ASIC2: variants seen among roughly 807,000 people sequenced by gnomAD.
ASIC2 encodes acid sensing ion channel subunit 2, also known as acid-sensing ion channel 2.
ASIC2 carries 25 observed loss-of-function variants against 57.3 expected under a neutral mutation model. That is an observed-to-expected ratio of 0.44 (90% CI 0.32 to 0.61). The LOEUF (loss-of-function observed/expected upper bound fraction) is 0.61. Among genes scored for constraint, ASIC2 ranks in the 20% least tolerant of loss-of-function variants. ASIC2 has a pLI of 0.06. For missense variants in ASIC2, 641 were observed against 738.1 expected (o/e 0.87, Z 1.52); for synonymous variants, 319 against 307.5 (o/e 1.04, Z -0.39).
chr17:34,039,956 T>TC lies in ASIC2; in HGVS notation c.555+116021dup. The TC allele has an allele frequency of 3.4e-6, 4 of 1,191,086 alleles. No homozygotes were observed. In the South Asian group the frequency reaches 5.0e-5, roughly 15 times the overall value. 73.8% of individuals were successfully genotyped at this position (1,191,086 alleles called of 1,614,324 possible). On this transcript the variant is annotated intron_variant, in intron 1 of 9. Transcript: ENST00000359872. Reference sequence around the variant, plus strand: ...GACCCGGCTGCGGACCGCTCCGCTCTCCCCCTGGGCAGGCCCGGGGCGGAG... The same window carrying TC: ...GACCCGGCTGCGGACCGCTCCGCTCTCCCCCCTGGGCAGGCCCGGGGCGGAG...
intron 1 of ASIC2, among the ~76,000 whole-genome samples, chr17:34,151,275 G>T (rs1390644515): frequency 6.6e-6 from 1 of 152,134 alleles, no homozygotes; most frequent in Non-Finnish European, 1.5e-5. Context: ...GCAGAGTCTG[G>T]GTTTAATGAG....
intron 1 of ASIC2, among the ~76,000 whole-genome samples, chr17:33,621,777 TGATCTTCTACTAATTA>T (rs1905808804): frequency 1.3e-5 from 2 of 152,228 alleles, no homozygotes; most frequent in African/African-American, 4.8e-5. Context: ...TATCCTCCAC[TGATCTTCTACTAATTA>T]GATCTTCTAC....
chr17:33,805,160 A>G (rs911845213), intron 1 of ASIC2, among the ~76,000 whole-genome samples: 1 of 152,114 alleles, frequency 6.6e-6, no homozygotes, highest in African/African-American at 2.4e-5. Context: ...TCCAAGGGTC[A>G]TCTTATTTTT....
chr17:33,860,577 A>G (rs1341297357), intron 1 of ASIC2, among the ~76,000 whole-genome samples: 1 of 152,234 alleles, frequency 6.6e-6, no homozygotes, highest in Admixed American at 6.5e-5. Flanking sequence ...AAGAAGTCAG[A>G]CTATAGGCTG....
intron 3 of ASIC2, among the ~76,000 whole-genome samples, chr17:33,049,087 T>C (rs1215733288): frequency 2.0e-5 from 3 of 152,132 alleles, no homozygotes; most frequent in Non-Finnish European, 4.4e-5. Context: ...AGCGTGGACT[T>C]TGGTATTAGG....
intron 1 of ASIC2, among the ~76,000 whole-genome samples, chr17:33,452,178 C>T (rs1046932749): frequency 6.6e-6 from 1 of 152,224 alleles, no homozygotes; most frequent in African/African-American, 2.4e-5. Context: ...GATTGTCTAC[C>T]TTCTACCTGC....
chr17:33,045,518 C>T (rs146049143), intron 3 of ASIC2, among the ~76,000 whole-genome samples: 273 of 152,250 alleles, frequency 1.8e-3, no homozygotes, highest in African/African-American at 6.3e-3. Flanking sequence ...TTTGGAGTTA[C>T]GCAGGTGTGG....
At chr17:33,392,055 A>G (rs770709050) in intron 1 of ASIC2, among the ~76,000 whole-genome samples, 9 of 152,276 alleles carry the variant, frequency 5.9e-5, no homozygotes, top group East Asian at 1.9e-4. Context: ...CCCTTCGCCA[A>G]TGGATTCAAA....
chr17:33,195,729 A>G (rs1010223893), intron 1 of ASIC2, among the ~76,000 whole-genome samples: 10 of 152,154 alleles, frequency 6.6e-5, no homozygotes, highest in Non-Finnish European at 1.3e-4. Context: ...AGAAGGCCAA[A>G]TGGCTTGCCG....
At chr17:33,771,529 C>T (rs1483507601) in intron 1 of ASIC2, among the ~76,000 whole-genome samples, 1 of 152,074 alleles carries the variant, frequency 6.6e-6, no homozygotes, top group South Asian at 2.1e-4. Flanking sequence ...GAGCTGAGGC[C>T]CCACAGAACT....
At chr17:33,124,234 A>T (rs2092314426) in intron 1 of ASIC2, among the ~76,000 whole-genome samples, 1 of 152,226 alleles carries the variant, frequency 6.6e-6, no homozygotes, top group South Asian at 2.1e-4. Context: ...GAGATTGAGT[A>T]TCATGGAATT....
chr17:33,958,462 C>T (rs1313374205), intron 1 of ASIC2, among the ~76,000 whole-genome samples: 1 of 152,174 alleles, frequency 6.6e-6, no homozygotes, highest in Admixed American at 6.5e-5. Flanking sequence ...TCCCAAATCT[C>T]AATTCTTGTC....
chr17:33,197,763 TG>T (rs1221031224), intron 1 of ASIC2, among the ~76,000 whole-genome samples: 15 of 152,228 alleles, frequency 9.9e-5, no homozygotes, highest in Non-Finnish European at 1.9e-4. Flanking sequence ...CCCCTCTCCC[TG>T]GGTACTGGTT....
chr17:33,395,640 T>A (rs1223661984), intron 1 of ASIC2, among the ~76,000 whole-genome samples: 1 of 152,242 alleles, frequency 6.6e-6, no homozygotes, highest in African/African-American at 2.4e-5. Context: ...TTCACCCGTT[T>A]ATTCATTGAA....
intron 1 of ASIC2, among the ~76,000 whole-genome samples, chr17:34,094,785 T>G (rs1485547119): frequency 6.6e-6 from 1 of 152,194 alleles, no homozygotes; most frequent in Non-Finnish European, 1.5e-5. Flanking sequence ...ATTAGTAAAT[T>G]TATTTCATAA....
intron 1 of ASIC2, among the ~76,000 whole-genome samples, chr17:33,455,201 T>C (rs1267010498): frequency 1.3e-5 from 2 of 152,230 alleles, no homozygotes; most frequent in Non-Finnish European, 2.9e-5. Flanking sequence ...TTTTTCCAAC[T>C]TTTATTTTAG....
At chr17:33,177,033 C>T (rs1162673374) in intron 1 of ASIC2, among the ~76,000 whole-genome samples, 1 of 152,202 alleles carries the variant, frequency 6.6e-6, no homozygotes, top group East Asian at 1.9e-4. Flanking sequence ...CTGGGGACAA[C>T]TTGTGTCCAT....
intron 3 of ASIC2, among the ~76,000 whole-genome samples, chr17:33,031,821 G>T (rs2091884891): frequency 1.3e-5 from 2 of 152,152 alleles, no homozygotes; most frequent in African/African-American, 4.8e-5. Flanking sequence ...TCTTCTGGAT[G>T]ACTTGACCCT....
chr17:33,541,714 C>T (rs1480758100), intron 1 of ASIC2, among the ~76,000 whole-genome samples: 2 of 152,170 alleles, frequency 1.3e-5, no homozygotes, highest in Admixed American at 6.5e-5. Flanking sequence ...CATGCATTTA[C>T]CTACTCCCAG....
Sources: gnomAD v4.1 joint callset for allele counts (sites outside exome capture counted in the v4.1 genomes callset) on GRCh38, gnomAD v4.1.1 for gene constraint, MANE v1.5 for transcripts, NCBI Gene and HGNC (gene_info 2026-07-23, HGNC 2026-07-21) for gene names.